Variants in BICRAL observed in about 807,000 individuals in gnomAD.
BICRAL encodes BICRA like chromatin remodeling complex associated protein, also known as BRD4-interacting chromatin-remodeling complex-associated protein-like.
Under a neutral mutation model 91.8 loss-of-function variants are expected in BICRAL, and 8 were observed. That is an observed-to-expected ratio of 0.09 (90% CI 0.05 to 0.16). The LOEUF is 0.16. Ranked by LOEUF, BICRAL falls within the 10% of genes least tolerant of loss-of-function variation. The pLI, the probability that BICRAL is intolerant of heterozygous loss-of-function variation, is 1.00. For synonymous variants in BICRAL, 445 were observed against 491.1 expected, an observed-to-expected ratio of 0.91 and a Z score of 1.24; for missense variants, 1,038 against 1,310.9, an observed-to-expected ratio of 0.79 and a Z score of 3.21.
rs1192829085 is a variant in BICRAL at position 42,797,044 on chromosome 6, C to CAAAAA, written c.-101-13245_-101-13241dup. ...GGGCAACAAGAGCGAAACTCTGTCT[C>CAAAAA]AAAAAAAAAAAAAAAAAAAAAGCTG... On this transcript the variant is annotated intron_variant, in intron 1 of 12. Coordinates refer to ENST00000314073, the MANE Select transcript of BICRAL (RefSeq NM_001393499.1). 1.6e-4 allele frequency among the ~76,000 whole-genome samples: 7 copies of CAAAAA among 44,280 alleles called. 1 individual carries two copies. Among genetic ancestry groups the CAAAAA allele is most frequent in the Non-Finnish European group, 1.9e-4 (4 of 20,584 alleles). 29.0% of individuals were successfully genotyped at this position (44,280 alleles called of 152,430 possible).
At chr6:42,825,684 C>T (rs1178879653) in intron 5 of BICRAL, among the ~76,000 whole-genome samples, 4 of 152,054 alleles carry the variant, frequency 2.6e-5, no homozygotes, top group Non-Finnish European at 5.9e-5. Context: ...GATTGTGCCA[C>T]TGCACTCCAG....
chr6:42,848,415 C>CA (rs978689906), intron 6 of BICRAL, among the ~76,000 whole-genome samples: 2 of 151,776 alleles, frequency 1.3e-5, no homozygotes, highest in African/African-American at 2.4e-5. Flanking sequence ...ACCCTATCTC[C>CA]AAAAAAAATA....
intron 1 of BICRAL, among the ~76,000 whole-genome samples, chr6:42,772,337 G>A (rs1359410776): frequency 2.6e-5 from 4 of 152,252 alleles, no homozygotes; most frequent in East Asian, 1.9e-4. Flanking sequence ...TGAGTTAGGC[G>A]ACGGGAGAAG....
chr6:42,755,556 C>G lies in BICRAL; in HGVS notation c.-261+8533C>G, dbSNP rs1183849732. ...GCCTCCCCTCTCACTTCTAACTTAT[C>G]TGTGAAGACCCACCTCTTTGTCTCT... On this transcript the variant is annotated intron_variant, in intron 1 of 14. Transcript: ENST00000614467. Among the ~76,000 whole-genome samples, 3 of 152,178 alleles carry G rather than the reference C, an allele frequency of 2.0e-5. No homozygotes were observed. In the East Asian group the frequency reaches 5.8e-4, roughly 29 times the overall value.
chr6:42,835,151 C>A lies in BICRAL; in HGVS notation c.1839+4979C>A, dbSNP rs1243291595. On this transcript the variant is annotated intron_variant, in intron 6 of 12. Transcript: ENST00000314073. ...ACCCTTTTTTCTTTTTTTTTTGAGT[C>A]AGAGTCTCACTCTACTGCCCAGGCT... Among the ~76,000 whole-genome samples the A allele has an allele frequency of 2.0e-5, 3 of 147,438 alleles. No homozygotes were observed. In the East Asian group the frequency reaches 6.0e-4, roughly 29 times the overall value.
chr6:42,761,049 T>TA (rs968839516), intron 1 of BICRAL, among the ~76,000 whole-genome samples: 11 of 151,012 alleles, frequency 7.3e-5, no homozygotes, highest in Non-Finnish European at 1.3e-4. Context: ...CTGTCTCAAA[T>TA]AAAAAAAAAG....
intron 2 of BICRAL, among the ~76,000 whole-genome samples, chr6:42,812,828 T>G (rs1385861578): frequency 6.6e-6 from 1 of 152,078 alleles, no homozygotes; most frequent in Non-Finnish European, 1.5e-5. Flanking sequence ...GCCCAGGAGT[T>G]CAGGACCAGC....
Position 42,828,833 on chromosome 6 carries a change from G to C in BICRAL, c.500G>C (p.Gly167Ala). ...TCAGGTCAGACGCTGCAGCCTATAG[G>C]GGTGACGCATGTGCCTGTTGGAGCA... Reference protein sequence around the residue: ...NYSGQTLQPIGVTHVPVGASF... With the variant: ...NYSGQTLQPIAVTHVPVGASF... Residue 167 changes from glycine (G) to alanine (A), a missense_variant, in exon 6 of 13, where the codon GGG (glycine) becomes GCG (alanine). This residue lies in a region of BICRAL where 532 missense variants were observed against 724.9 expected (regional missense o/e 0.73). Coordinates refer to ENST00000314073, the MANE Select transcript of BICRAL (RefSeq NM_001393499.1). The C allele has an allele frequency of 6.2e-7, 1 of 1,614,170 alleles. No individual in the cohort carries two copies. The highest frequency in any genetic ancestry group is 8.5e-7 in the Non-Finnish European group (1 of 1,180,038).
intron 1 of BICRAL, among the ~76,000 whole-genome samples, chr6:42,803,268 A>G (rs886483646): frequency 6.6e-6 from 1 of 152,236 alleles, no homozygotes; most frequent in Non-Finnish European, 1.5e-5. Context: ...AGGACACACA[A>G]TCTTTTATTC....
upstream of BICRAL, among the ~76,000 whole-genome samples, chr6:42,778,482 T>C (rs930156975): frequency 2.0e-5 from 3 of 152,254 alleles, no homozygotes; most frequent in African/African-American, 7.2e-5. Flanking sequence ...TATAAGTATC[T>C]AGCATAGTGC....
chr6:42,754,122 G>C (rs1762423057), intron 1 of BICRAL, among the ~76,000 whole-genome samples: 1 of 152,002 alleles, frequency 6.6e-6, no homozygotes, highest in African/African-American at 2.4e-5. Context: ...AAAGTGCTGG[G>C]ATTACAGGCC....
intron 1 of BICRAL, among the ~76,000 whole-genome samples, chr6:42,748,800 T>G (rs1758438030): frequency 6.6e-6 from 1 of 152,200 alleles, no homozygotes; most frequent in Non-Finnish European, 1.5e-5. Flanking sequence ...GTTTCTGAGT[T>G]CAAACACAGT....
chr6:42,787,828 G>A (rs1763143548), intron 1 of BICRAL, among the ~76,000 whole-genome samples: 1 of 151,978 alleles, frequency 6.6e-6, no homozygotes, highest in African/African-American at 2.4e-5. Flanking sequence ...TTTTGCTGCT[G>A]TAAAGTGGAG....
At chr6:42,856,187 C>T (rs548371524) in intron 9 of BICRAL, among the ~76,000 whole-genome samples, 2 of 151,622 alleles carry the variant, frequency 1.3e-5, no homozygotes, top group East Asian at 2.0e-4. Context: ...CGTGGTGGTA[C>T]GGGCCTGTAG....
chr6:42,855,877 CA>C lies in BICRAL; in HGVS notation c.2074del (p.Arg692GlyfsTer7). 6.2e-7 allele frequency: 1 copy of C among 1,613,150 alleles called. No homozygotes were observed. Among genetic ancestry groups the C allele is most frequent in the Non-Finnish European group, 8.5e-7 (1 of 1,179,490 alleles). ...AVQVESHSGG[Q>X]KRPAAKQLTK... ...TTAGGTGGAGAGTCATTCGGGAGGA[CA>C]AAAAAGGCCTGCTGCGAAACAGCTA... On this transcript the variant is annotated frameshift_variant, in exon 9 of 13. Coordinates refer to ENST00000314073, the MANE Select transcript of BICRAL (RefSeq NM_001393499.1). LOFTEE classifies it high-confidence loss of function.
intron 8 of BICRAL, among the ~76,000 whole-genome samples, chr6:42,854,106 G>A (rs1445947447): frequency 6.6e-6 from 1 of 152,100 alleles, no homozygotes; most frequent in Non-Finnish European, 1.5e-5. Flanking sequence ...TTATACTGAG[G>A]GATTTTTGTT....
intron 12 of BICRAL, among the ~76,000 whole-genome samples, chr6:42,864,441 A>G (rs1765648144): frequency 6.6e-6 from 1 of 152,218 alleles, no homozygotes; most frequent in African/African-American, 2.4e-5. Flanking sequence ...AAAAGGTTTA[A>G]GCTCCCCATC....
At chr6:42,863,015 G>A (rs1765600326) in intron 12 of BICRAL, among the ~76,000 whole-genome samples, 1 of 149,124 alleles carries the variant, frequency 6.7e-6, no homozygotes. Context: ...GCCTCCATCT[G>A]TACCCTCAAT....
intron 8 of BICRAL, 111 bp from the exon 9 acceptor site, chr6:42,855,745 G>A (rs2114025700): frequency 1.3e-6 from 1 of 798,050 alleles, no homozygotes; most frequent in African/African-American, 1.7e-5. Flanking sequence ...TGTAGTCTTA[G>A]AATATGTTCT....
Sources: allele counts gnomAD v4.1 joint callset (sites outside exome capture counted in the v4.1 genomes callset), GRCh38; gene constraint gnomAD v4.1.1; regional missense constraint gnomAD v4.1.1; transcripts MANE v1.5; gene names NCBI Gene and HGNC (gene_info 2026-07-23, HGNC 2026-07-21).